CD1C: variants seen among roughly 807,000 people sequenced by gnomAD.
The protein encoded by CD1C is T-cell surface glycoprotein CD1c.
In CD1C, 47 loss-of-function variants were observed where a neutral mutation model predicts 39.4. That is an observed-to-expected ratio of 1.19 (90% CI 0.94 to 1.52). The LOEUF (loss-of-function observed/expected upper bound fraction) is 1.52, where lower values mean the gene tolerates loss of function less well. Ranked by LOEUF, CD1C falls within the 40% of genes most tolerant of loss-of-function variation. CD1C has a pLI of 0.00. For missense variants in CD1C, 417 were observed against 395.2 expected (o/e 1.06, Z -0.47); for synonymous variants, 165 against 150.8 (o/e 1.09, Z -0.69).
At chr1:158,292,903 G>A (rs768742456) in intron 4 of CD1C, 29 bp downstream of exon 4, 13 of 1,609,052 alleles carry the variant, frequency 8.1e-6, no homozygotes, top group African/African-American at 1.3e-5. Flanking sequence ...AGTGTAGGTA[G>A]GTGGTTCTTG....
At position 158,293,701 on chromosome 1, in the gene CD1C, C is replaced by G; in HGVS notation, c.*225C>G. ...AAGCCCATTTCTGATGTCATTTCCT[C>G]CAACGATCTTCCTTGACCCATACTG... On this transcript the variant is annotated 3_prime_UTR_variant, in exon 6 of 6. Transcript: ENST00000368170. 1 of 1,050,176 alleles carries G rather than the reference C, an allele frequency of 9.5e-7. No homozygotes were observed. Among genetic ancestry groups the G allele is most frequent in the South Asian group, 1.5e-5 (1 of 66,154 alleles). 65.1% of individuals were successfully genotyped at this position (1,050,176 alleles called of 1,614,324 possible). A position where few individuals can be genotyped will look rare whatever the true frequency, so the allele number is the denominator to read the frequency against.
rs1275594146 is a variant in CD1C, at chr1:158,291,340, T to G, written c.268T>G (p.Phe90Val). 2 of 1,614,190 alleles carry G rather than the reference T, an allele frequency of 1.2e-6. No individual in the cohort carries two copies. Among genetic ancestry groups the G allele is most frequent in the Admixed American group, 1.7e-5 (1 of 60,028 alleles). ...ELSDLELLFR[F>V]YLFGLTREIQ... ...GTCAGACCTAGAGTTGTTATTTCGT[T>G]TCTACCTCTTTGGATTAACTCGGGA... is the stretch of plus-strand genomic sequence containing the variant. Residue 90 changes from phenylalanine to valine, a missense_variant, in exon 2 of 6, where the codon TTC becomes GTC. Coordinates refer to ENST00000368170, the MANE Select transcript of CD1C (RefSeq NM_001765.3).
rs202223810 is a variant in CD1C, at chr1:158,291,395, C to G, written c.323C>G (p.Ser108Trp). 1.2e-6 allele frequency: 2 copies of G among 1,613,042 alleles called. No individual in the cohort carries two copies. Among genetic ancestry groups the G allele is most frequent in the South Asian group, 2.2e-5 (2 of 91,054 alleles). ...CAAGACCATGCAAGTCAAGATTACT[C>G]GAAATGTAAGTTCAATCATCTAAAT... is the stretch of plus-strand genomic sequence containing the variant. ...EIQDHASQDY[S>W]KYPFEVQVKA... The change falls in exon 2 of 6, where the codon TCG becomes TGG. Residue 108 changes from serine (S) to tryptophan (W), a missense_variant. Transcript: ENST00000368170.
rs1650988712 is a variant in CD1C at position 158,290,259 on chromosome 1, T to C, written c.61+134T>C. On this transcript the variant is annotated intron_variant, in intron 1 of 5. Transcript: ENST00000368170. ...CCTGTCTCCAGGTCCAGTTTACTCT[T>C]TTGGAGGATGGTGGCAGAGCATGGG... 8.4e-6 allele frequency: 6 copies of C among 716,052 alleles called. No homozygotes were observed. In the Admixed American group the frequency reaches 1.4e-4, roughly 17 times the overall value. 44.4% of individuals were successfully genotyped at this position (716,052 alleles called of 1,614,324 possible).
rs1283667527 is a variant in CD1C at position 158,294,315 on chromosome 1, C to T, written c.*839C>T. On this transcript the variant is annotated 3_prime_UTR_variant, in exon 6 of 6. Coordinates refer to ENST00000368170, the MANE Select transcript of CD1C (RefSeq NM_001765.3). ...GAGATAGCCTTGGCTAAACTTTAGTCCCTTTAGGTTTCATTCACTAATTCA... is the reference window on the plus strand; with the variant it reads ...GAGATAGCCTTGGCTAAACTTTAGTTCCTTTAGGTTTCATTCACTAATTCA... 6.6e-6 allele frequency among the ~76,000 whole-genome samples: 1 copy of T among 152,176 alleles called. No individual in the cohort carries two copies. The highest frequency in any genetic ancestry group is 1.5e-5 in the Non-Finnish European group (1 of 68,040).
rs775584477 is a variant in CD1C at position 158,292,132 on chromosome 1, A to G, written c.377A>G (p.Lys126Arg). ...GCGGGCTGTGAGCTGCATTCTGGAAAGAGCCCAGAAGGCTTCTTTCAGGTA... is the reference window on the plus strand; with the variant it reads ...GCGGGCTGTGAGCTGCATTCTGGAAGGAGCCCAGAAGGCTTCTTTCAGGTA... ...VKAGCELHSGKSPEGFFQVAF... is the reference protein window; with the variant it reads ...VKAGCELHSGRSPEGFFQVAF... The change falls in exon 3 of 6, where the codon AAG becomes AGG. Residue 126 changes from lysine to arginine, a missense_variant. Lys to Arg is a conservative substitution (Grantham distance 26, BLOSUM62 2). Coordinates refer to ENST00000368170, the MANE Select transcript of CD1C (RefSeq NM_001765.3). 5.0e-6 allele frequency: 8 copies of G among 1,614,164 alleles called. No individual in the cohort carries two copies. In the South Asian group the frequency reaches 6.6e-5, roughly 13 times the overall value.
chr1:158,293,485 C>T lies in CD1C; in HGVS notation c.*9C>T, dbSNP rs367721571. 677 of 1,614,108 alleles carry T rather than the reference C, an allele frequency of 4.2e-4. 3 individuals are homozygous for T. The African/African-American group carries it at 8.3e-3, about 20-fold the overall frequency. On this transcript the variant is annotated 3_prime_UTR_variant, in exon 6 of 6. Coordinates refer to ENST00000368170, the MANE Select transcript of CD1C (RefSeq NM_001765.3). ...ATCAGGACATCCTGTGAGACTCTTC[C>T]CCCTGACTCCCCCATTGTGTTAAGA... is the stretch of plus-strand genomic sequence containing the variant.
In CD1C at chr1:158,290,100, T is replaced by C; in HGVS notation, c.36T>C (p.Leu12=). Residue 12 remains leucine (L), a synonymous_variant, in exon 1 of 6, where the codon CTT becomes CTC. Transcript: ENST00000368170. ...TGCAGTTTCTGCTGCTAGCTCTTCT[T>C]CTCCCAGGTGGTGACAATGCAGACG... ...LFLQFLLLAL[L]LPGGDNADAS... The C allele has an allele frequency of 6.2e-7, 1 of 1,613,866 alleles. No homozygotes were observed. The highest frequency in any genetic ancestry group is 8.5e-7 in the Non-Finnish European group (1 of 1,179,858).
Position 158,293,259 on chromosome 1 carries a change from T to A in CD1C, c.937T>A (p.Leu313Met). The A allele has an allele frequency of 1.2e-6, 2 of 1,614,174 alleles. No individual in the cohort carries two copies. Among genetic ancestry groups the A allele is most frequent in the Non-Finnish European group, 8.5e-7 (1 of 1,180,014 alleles). ...GATTGCCTTGGTAGTGATAGTGCCC[T>A]TGGTGATTCTAATAGTCCTTGTGTT... ...NWIALVVIVP[L>M]VILIVLVLWF... Residue 313 changes from leucine (L) to methionine (M), a missense_variant, in exon 5 of 6, where the codon TTG becomes ATG. Transcript: ENST00000368170.
At chr1:158,290,195 G>A (rs1393907253) in intron 1 of CD1C, 70 bp downstream of exon 1, 1 of 1,324,564 alleles carries the variant, frequency 7.5e-7, no homozygotes, top group African/African-American at 1.4e-5. Context: ...TCCCGAGATG[G>A]ATCAATAGAG....
Position 158,294,082 on chromosome 1 carries a change from CCTTGATACA to C in CD1C, c.*610_*618del, listed in dbSNP as rs1651152035. ...ATTTAAGGAAAAGTGCAGCCTTGTG[CCTTGATACA>C]CTTATTTTCTAAACACAGAGAATTA... On this transcript the variant is annotated 3_prime_UTR_variant, in exon 6 of 6. Transcript: ENST00000368170. Among the ~76,000 whole-genome samples, 1 of 152,154 alleles carries C rather than the reference CCTTGATACA, an allele frequency of 6.6e-6. No homozygotes were observed. Among genetic ancestry groups the C allele is most frequent in the South Asian group, 2.1e-4 (1 of 4,834 alleles).
chr1:158,293,190 T>A (rs1346804617), intron 4 of CD1C, 22 bp from the exon 5 acceptor site: 4 of 1,567,076 alleles, frequency 2.6e-6, no homozygotes, highest in Middle Eastern at 3.4e-4. Flanking sequence ...ATGGCATCCA[T>A]GTATCTTTCC....
intron 1 of CD1C, 77 bp downstream of exon 1, chr1:158,290,202 A>C: frequency 1.2e-5 from 15 of 1,287,560 alleles, no homozygotes; most frequent in Non-Finnish European, 1.6e-5. Context: ...ATGGATCAAT[A>C]GAGATGCCAG....
chr1:158,291,492 C>G, intron 2 of CD1C, 92 bp downstream of exon 2: 1 of 1,261,898 alleles, frequency 7.9e-7, no homozygotes, highest in Non-Finnish European at 1.1e-6. Flanking sequence ...TTCCCATTAT[C>G]CCATCCCACC....
At position 158,291,169 on chromosome 1, in the gene CD1C, A is replaced by G. The variant is rs759378088; in HGVS notation, c.97A>G (p.Ile33Val). The G allele has an allele frequency of 6.2e-7, 1 of 1,611,702 alleles. No homozygotes were observed. Among genetic ancestry groups the G allele is most frequent in the Non-Finnish European group, 8.5e-7 (1 of 1,179,656 alleles). Reference protein sequence around the residue: ...QEHVSFHVIQIFSFVNQSWAR... With the variant: ...QEHVSFHVIQVFSFVNQSWAR... Reference sequence around the variant, plus strand: ...ACACGTCTCCTTCCATGTCATCCAGATCTTCTCATTTGTCAACCAATCCTG... The same window carrying G: ...ACACGTCTCCTTCCATGTCATCCAGGTCTTCTCATTTGTCAACCAATCCTG... The change falls in exon 2 of 6, where the codon ATC becomes GTC. Residue 33 changes from isoleucine to valine, a missense_variant. By Grantham distance (29) the Ile-to-Val change is conservative. Transcript: ENST00000368170.
At chr1:158,293,092 C>A in intron 4 of CD1C, 120 bp from the exon 5 acceptor site, 1 of 944,740 alleles carries the variant, frequency 1.1e-6, no homozygotes, top group Non-Finnish European at 1.6e-6. Context: ...AATAGAGTGA[C>A]TGAAATAGGA....
At chr1:158,292,522 CATGTGGATGTGTGT>C (rs1651080817) in intron 3 of CD1C, 60 bp from the exon 4 acceptor site, 5 of 1,525,630 alleles carry the variant, frequency 3.3e-6, no homozygotes, top group Non-Finnish European at 4.5e-6. Flanking sequence ...TGTGCATATT[CATGTGGATGTGTGT>C]ATGTGGATGT....
chr1:158,291,530 A>G (rs1651042579), intron 2 of CD1C, 130 bp downstream of exon 2: 4 of 916,314 alleles, frequency 4.4e-6, no homozygotes, highest in Admixed American at 2.4e-5. Context: ...TGAACCTTTT[A>G]AGGGATATTC....
At chr1:158,291,012 A>G (rs372486948) in intron 1 of CD1C, 122 bp from the exon 2 acceptor site, 1 of 1,004,400 alleles carries the variant, frequency 1.0e-6, no homozygotes. Context: ...GGAAAATGGT[A>G]TAGCTAAAGT....
Sources: allele counts gnomAD v4.1 joint callset (sites outside exome capture counted in the v4.1 genomes callset), GRCh38; gene constraint gnomAD v4.1.1; transcripts MANE v1.5; gene names NCBI Gene and HGNC (gene_info 2026-07-23, HGNC 2026-07-21).